Variants in ANHX observed in about 807,000 individuals in gnomAD.
The protein encoded by ANHX is anomalous homeobox, also known as anomalous homeobox protein.
ANHX carries 20 observed loss-of-function variants against 38.9 expected under a neutral mutation model. The observed-to-expected ratio is 0.51, with a 90% CI of 0.36 to 0.75. The LOEUF (loss-of-function observed/expected upper bound fraction) is 0.75, where lower values mean the gene tolerates loss of function less well. Ranked by LOEUF, ANHX falls within the 30% of genes least tolerant of loss-of-function variation. The pLI, the probability that ANHX is intolerant of heterozygous loss-of-function variation, is 0.00. For synonymous variants in ANHX, 185 were observed against 203.1 expected, an observed-to-expected ratio of 0.91 and a Z score of 0.76; for missense variants, 475 against 493.1, an observed-to-expected ratio of 0.96 and a Z score of 0.35.
At chr12:133,227,654 G>T (rs1957207651) in intron 4 of ANHX, among the ~76,000 whole-genome samples, 170 bp downstream of exon 4, 1 of 152,204 alleles carries the variant, frequency 6.6e-6, no homozygotes, top group African/African-American at 2.4e-5. Flanking sequence ...CCTTTATGTG[G>T]CAGACAGGAC....
intron 7 of ANHX, among the ~76,000 whole-genome samples, chr12:133,222,988 C>A (rs924219782): frequency 3.9e-5 from 6 of 151,940 alleles, no homozygotes; most frequent in African/African-American, 1.5e-4. Context: ...ATCAGGAGTT[C>A]GAGACCAGCC....
Position 133,218,486 on chromosome 12 carries a change from C to T in ANHX, c.*399G>A, listed in dbSNP as rs1957065453. 6.2e-6 allele frequency: 1 copy of T among 162,286 alleles called. No homozygotes were observed. The highest frequency in any genetic ancestry group is 1.3e-5 in the Non-Finnish European group (1 of 74,898). The allele number at this position is 162,286 out of a possible 1,614,324, so 10.1% of individuals were successfully genotyped here. A position where few individuals can be genotyped will look rare whatever the true frequency, so the allele number is the denominator to read the frequency against. ...TACACACAGAAATCTCAGAACACTC[C>T]TCATACCTCACTCAGTTAACTTGGT... On this transcript the variant is annotated 3_prime_UTR_variant, in exon 10 of 10. Coordinates refer to ENST00000545940, the MANE Select transcript of ANHX (RefSeq NM_001372060.1).
intron 2 of ANHX, among the ~76,000 whole-genome samples, chr12:133,232,182 C>G (rs1419483866): frequency 2.0e-5 from 3 of 152,342 alleles, no homozygotes; most frequent in Admixed American, 6.5e-5. Flanking sequence ...TCGGCACAAT[C>G]TAAGGTGAGG....
chr12:133,221,922 GA>G lies in ANHX; in HGVS notation c.1133-571del, dbSNP rs942551888. Among the ~76,000 whole-genome samples, 4 of 152,176 alleles carry G rather than the reference GA, an allele frequency of 2.6e-5. No individual in the cohort carries two copies. The highest frequency in any genetic ancestry group is 5.9e-5 in the Non-Finnish European group (4 of 68,040). ...TGGACATTTAGGAGAGCTGTGGCCT[GA>G]AAAGGCAGGTTTTTTCCTGCCCTGA... On this transcript the variant is annotated intron_variant, in intron 7 of 9. Transcript: ENST00000545940. This position sits in a 1 kb window ranked among gnomAD's most constrained non-coding sequence, Gnocchi z 4.1.
At chr12:133,222,341 G>A (rs796347362) in intron 7 of ANHX, among the ~76,000 whole-genome samples, 20 of 152,318 alleles carry the variant, frequency 1.3e-4, no homozygotes, top group African/African-American at 4.8e-4. Context: ...GTGTCTGGCA[G>A]GGAGCTGGGG....
intron 7 of ANHX, among the ~76,000 whole-genome samples, chr12:133,223,185 G>A (rs187260568): frequency 2.1e-5 from 3 of 142,204 alleles, no homozygotes; most frequent in East Asian, 1.9e-4. Context: ...TCAAAACTCC[G>A]CCTCAAAAAA....
intron 3 of ANHX, 68 bp from the exon 4 acceptor site, chr12:133,228,015 T>C: frequency 1.3e-6 from 2 of 1,500,024 alleles, no homozygotes; most frequent in Non-Finnish European, 1.8e-6. Context: ...TCTCCAGGCC[T>C]GGCCCTCTGC....
intron 7 of ANHX, among the ~76,000 whole-genome samples, chr12:133,222,191 G>T (rs1957116996): frequency 6.6e-6 from 1 of 152,194 alleles, no homozygotes; most frequent in African/African-American, 2.4e-5. Context: ...TAATGTTCAA[G>T]CACTAGTTTG....
chr12:133,223,804 C>T (rs1012098632), intron 7 of ANHX, among the ~76,000 whole-genome samples: 12 of 151,902 alleles, frequency 7.9e-5, no homozygotes, highest in African/African-American at 2.7e-4. Flanking sequence ...AAAAGACCCA[C>T]AACCTCGGAC....
chr12:133,224,820 A>T (rs1323539561), intron 7 of ANHX, among the ~76,000 whole-genome samples: 1 of 150,616 alleles, frequency 6.6e-6, no homozygotes, highest in Non-Finnish European at 1.5e-5. Flanking sequence ...CAAAAAAATT[A>T]GCCAGGCGTG....
At position 133,222,536 on chromosome 12, in the gene ANHX, A is replaced by G. The variant is rs1342129854; in HGVS notation, c.1133-1184T>C. 1.6e-4 allele frequency among the ~76,000 whole-genome samples: 25 copies of G among 152,186 alleles called. 1 individual carries two copies. The highest frequency in any genetic ancestry group is 7.2e-4 in the Admixed American group (11 of 15,286). On this transcript the variant is annotated intron_variant, in intron 7 of 9. Coordinates refer to ENST00000545940, the MANE Select transcript of ANHX (RefSeq NM_001372060.1). ...CTGAAGACCAGCTCCTCTTGTCCCAATGTGAAGACACCCATTGACCGTCCC... is the reference window on the plus strand; with the variant it reads ...CTGAAGACCAGCTCCTCTTGTCCCAGTGTGAAGACACCCATTGACCGTCCC...
intron 7 of ANHX, among the ~76,000 whole-genome samples, chr12:133,222,114 A>G (rs773327556): frequency 6.6e-6 from 1 of 152,096 alleles, no homozygotes; most frequent in Non-Finnish European, 1.5e-5. Flanking sequence ...GACCTTCCTG[A>G]CCATGTGCCT....
rs1027607813 is a variant in ANHX, at chr12:133,234,157, C to T, written c.200G>A (p.Arg67His). 7.8e-6 allele frequency: 12 copies of T among 1,536,108 alleles called. No individual in the cohort carries two copies. The highest frequency in any genetic ancestry group is 7.3e-5 in the East Asian group (3 of 40,926). ...DNADVALACA[R>H]VLDQQEQQQA... Reference sequence around the variant, plus strand: ...CTGCTGCTCCTGCTGGTCCAGGACACGGGCGCACGCCAGGGCCACATCTGC... The same window carrying T: ...CTGCTGCTCCTGCTGGTCCAGGACATGGGCGCACGCCAGGGCCACATCTGC... The change falls in exon 2 of 10, where the codon CGT (arginine) becomes CAT (histidine). Residue 67 changes from arginine (R) to histidine (H), a missense_variant. Transcript: ENST00000545940.
At position 133,230,017 on chromosome 12, in the gene ANHX, C is replaced by T. The variant is rs779894233; in HGVS notation, c.377+1500G>A. On this transcript the variant is annotated intron_variant, in intron 3 of 9. Transcript: ENST00000545940. Reference sequence around the variant, plus strand: ...GACTCTCCTCCAAGACTAGGACCAGCCTGCACTGACCACCCCATCTAAAGC... The same window carrying T: ...GACTCTCCTCCAAGACTAGGACCAGTCTGCACTGACCACCCCATCTAAAGC... Among the ~76,000 whole-genome samples the T allele has an allele frequency of 7.2e-5, 11 of 152,356 alleles. No individual in the cohort carries two copies. In the East Asian group the frequency reaches 9.6e-4, roughly 13 times the overall value.
chr12:133,223,395 G>A (rs1476450866), intron 7 of ANHX, among the ~76,000 whole-genome samples: 3 of 150,882 alleles, frequency 2.0e-5, no homozygotes, highest in East Asian at 3.9e-4. Flanking sequence ...TCAAAGATAC[G>A]ATCAAAGGAT....
intron 6 of ANHX, 147 bp downstream of exon 6, chr12:133,226,171 T>A (rs1032278682): frequency 2.3e-6 from 3 of 1,303,080 alleles, no homozygotes; most frequent in African/African-American, 3.0e-5. Context: ...GGCTCCTTGC[T>A]GGTGGCTTCC....
At chr12:133,229,553 C>T (rs1337121275) in intron 3 of ANHX, among the ~76,000 whole-genome samples, 1 of 152,070 alleles carries the variant, frequency 6.6e-6, no homozygotes, top group Non-Finnish European at 1.5e-5. Context: ...CATCAGCAAA[C>T]CCCCCAGCTC....
At position 133,235,861 on chromosome 12, in the gene ANHX, G is replaced by A. The variant is rs1957373464; in HGVS notation, c.-77C>T. The A allele has an allele frequency of 6.6e-6, 1 of 152,052 alleles. No homozygotes were observed. Among genetic ancestry groups the A allele is most frequent in the African/African-American group, 2.4e-5 (1 of 41,372 alleles). The allele number at this position is 152,052 out of a possible 1,614,324, so 9.4% of individuals were successfully genotyped here. A position where few individuals can be genotyped will look rare whatever the true frequency, so the allele number is the denominator to read the frequency against. On this transcript the variant is annotated 5_prime_UTR_variant, in exon 1 of 10. Coordinates refer to ENST00000545940, the MANE Select transcript of ANHX (RefSeq NM_001372060.1). ...CGTGCTTGGCGCGCACCCGGGGCTG[G>A]CGAGGAGGCGCTGGGCAGCACAGAA...
In ANHX at chr12:133,218,908, A is replaced by C. The variant is rs1444857996; in HGVS notation, c.1429T>G (p.Phe477Val). Residue 477 changes from phenylalanine (F) to valine (V), a missense_variant, in exon 10 of 10, where the codon TTT becomes GTT. Coordinates refer to ENST00000545940, the MANE Select transcript of ANHX (RefSeq NM_001372060.1). ...AFWGARMLLE[F>V]SGSSLG The stretch of plus-strand genomic sequence containing the variant: ...GCTCAGCCCAGGCTGCTCCCTGAAA[A>C]CTCAAGGAGCATCCTGGCTCCCCAG... The C allele has an allele frequency of 6.5e-7, 1 of 1,530,442 alleles. No individual in the cohort carries two copies. The highest frequency in any genetic ancestry group is 2.0e-5 in the Admixed American group (1 of 50,592). The allele number at this position is 1,530,442 out of a possible 1,614,324, so 94.8% of individuals were successfully genotyped here.
Sources: gnomAD v4.1 joint callset for allele counts (sites outside exome capture counted in the v4.1 genomes callset) on GRCh38, gnomAD v4.1.1 for gene constraint, Gnocchi (gnomAD v3.1) non-coding constraint, MANE v1.5 for transcripts, NCBI Gene and HGNC (gene_info 2026-07-23, HGNC 2026-07-21) for gene names.